Variants in CUL4A observed in about 807,000 individuals in gnomAD.
CUL4A encodes the protein cullin 4A, also known as cullin-4A.
CUL4A carries 16 observed loss-of-function variants against 95.5 expected under a neutral mutation model. The observed-to-expected ratio is 0.17, with a 90% CI of 0.11 to 0.25. The LOEUF (loss-of-function observed/expected upper bound fraction) is 0.25, where lower values mean the gene tolerates loss of function less well. Ranked by LOEUF, CUL4A falls within the 10% of genes least tolerant of loss-of-function variation. The pLI is 1.00. For missense variants in CUL4A, 610 were observed against 937.0 expected, an observed-to-expected ratio of 0.65 and a Z score of 4.56; for synonymous variants, 380 against 353.1, an observed-to-expected ratio of 1.08 and a Z score of -0.85.
intron 9 of CUL4A, 21 bp downstream of exon 9, chr13:113,236,911 G>A: frequency 6.4e-7 from 1 of 1,561,126 alleles, no homozygotes; most frequent in Non-Finnish European, 8.8e-7. Context: ...TAACTCTTGT[G>A]CAAATTAAAC....
At position 113,209,632 on chromosome 13, in the gene CUL4A, C is replaced by T; in HGVS notation, c.5C>T (p.Ala2Val). The change falls in exon 1 of 20, where the codon GCG becomes GTG. Residue 2 changes from alanine to valine, a missense_variant. Coordinates refer to ENST00000375440, the MANE Select transcript of CUL4A (RefSeq NM_001008895.4). ...CGCGGCGGTTCCGGCCCAGCCATGGCGGACGAGGCCCCGCGGAAGGGCAGC... is the reference window on the plus strand; with the variant it reads ...CGCGGCGGTTCCGGCCCAGCCATGGTGGACGAGGCCCCGCGGAAGGGCAGC... MADEAPRKGSFS... is the reference protein window; with the variant it reads MVDEAPRKGSFS... 6.5e-6 allele frequency: 7 copies of T among 1,079,588 alleles called. No individual in the cohort carries two copies. Among genetic ancestry groups the T allele is most frequent in the Non-Finnish European group, 7.8e-6 (7 of 892,434 alleles). 66.9% of individuals were successfully genotyped at this position (1,079,588 alleles called of 1,614,324 possible). A position where few individuals can be genotyped will look rare whatever the true frequency, so the allele number is the denominator to read the frequency against.
chr13:113,208,806 G>C, upstream of CUL4A: 1 of 1,412,426 alleles, frequency 7.1e-7, no homozygotes, highest in Non-Finnish European at 9.2e-7. Flanking sequence ...CTCGGGCTGA[G>C]GGGGCCCGGG....
chr13:113,227,616 G>A (rs1432753554), intron 3 of CUL4A, among the ~76,000 whole-genome samples: 2 of 152,194 alleles, frequency 1.3e-5, no homozygotes, highest in East Asian at 3.9e-4. Context: ...GGTTAAAATT[G>A]TAATAATGGC....
At chr13:113,253,040 A>G (rs765212481) in intron 15 of CUL4A, 42 bp from the exon 16 acceptor site, 1 of 951,240 alleles carries the variant, frequency 1.1e-6, no homozygotes, top group East Asian at 2.6e-5. Context: ...ATTGAGATGG[A>G]TGGTGTGTGG....
intron 15 of CUL4A, among the ~76,000 whole-genome samples, chr13:113,246,635 T>A (rs558531948): frequency 1.3e-5 from 2 of 152,320 alleles, no homozygotes; most frequent in African/African-American, 4.8e-5. Flanking sequence ...TAAAGATGAA[T>A]GATGATTTCG....
intron 2 of CUL4A, among the ~76,000 whole-genome samples, chr13:113,217,360 A>T (rs1459967375): frequency 6.6e-6 from 1 of 152,256 alleles, no homozygotes; most frequent in East Asian, 1.9e-4. Flanking sequence ...GAGTTAAAGT[A>T]AATACAGAAT....
At chr13:113,258,275 G>A (rs1266318155) in intron 18 of CUL4A, among the ~76,000 whole-genome samples, 6 of 152,156 alleles carry the variant, frequency 3.9e-5, no homozygotes, top group African/African-American at 1.2e-4. Context: ...ACAGCCGTGA[G>A]CCACCGTGCC....
At chr13:113,210,299 A>G (rs2040343256) in intron 2 of CUL4A, among the ~76,000 whole-genome samples, 1 of 152,232 alleles carries the variant, frequency 6.6e-6, no homozygotes, top group Admixed American at 6.5e-5. Flanking sequence ...AGCTGCTTAG[A>G]ACCATATTTA....
chr13:113,239,802 C>G (rs779978809), intron 10 of CUL4A, among the ~76,000 whole-genome samples: 8 of 152,234 alleles, frequency 5.3e-5, no homozygotes, highest in Non-Finnish European at 7.3e-5. Flanking sequence ...TAAAGAACAA[C>G]TGTTTTGCTC....
chr13:113,236,253 A>G (rs1290407797), intron 8 of CUL4A, among the ~76,000 whole-genome samples: 1 of 152,192 alleles, frequency 6.6e-6, no homozygotes, highest in Non-Finnish European at 1.5e-5. Flanking sequence ...ATCTCGAGGC[A>G]GGCCAGGGTG....
At chr13:113,214,689 T>C (rs528690728) in intron 2 of CUL4A, among the ~76,000 whole-genome samples, 17 of 152,236 alleles carry the variant, frequency 1.1e-4, no homozygotes, top group South Asian at 2.1e-4. Flanking sequence ...GCTGTCTTTC[T>C]TGAGTCACGG....
chr13:113,218,266 G>A (rs2040768033), intron 2 of CUL4A, among the ~76,000 whole-genome samples: 1 of 152,086 alleles, frequency 6.6e-6, no homozygotes, highest in African/African-American at 2.4e-5. Context: ...CTTGTATTAG[G>A]GGTGTTCACA....
In CUL4A at chr13:113,263,472, A is replaced by C; in HGVS notation, c.2185-15A>C. ...ATGCCATTGTAATTAGGGGGGTTTT[A>C]TTCTTCTTTTTTAGCCTGGAGATTT... is the stretch of plus-strand genomic sequence containing the variant. On this transcript the variant is annotated splice_polypyrimidine_tract_variant and intron_variant, in intron 19 of 19. Transcript: ENST00000375440. 1 of 1,561,430 alleles carries C rather than the reference A, an allele frequency of 6.4e-7. No homozygotes were observed.
rs537956282 is a variant in CUL4A, at chr13:113,218,900, T to A, written c.265-45T>A. 1.7e-3 allele frequency: 2,317 copies of A among 1,358,288 alleles called. 40 individuals carry two copies. The African/African-American group carries it at 0.03, about 18-fold the overall frequency. The allele number at this position is 1,358,288 out of a possible 1,614,324, so 84.1% of individuals were successfully genotyped here. A position where few individuals can be genotyped will look rare whatever the true frequency, so the allele number is the denominator to read the frequency against. Reference sequence around the variant, plus strand: ...ACAATAGGGTTTTTTTATGAACCAATCTGTTGTTCATACTGAAGAATTGAT... The same window carrying A: ...ACAATAGGGTTTTTTTATGAACCAAACTGTTGTTCATACTGAAGAATTGAT... On this transcript the variant is annotated intron_variant, in intron 2 of 19. Transcript: ENST00000375440.
intron 8 of CUL4A, 21 bp downstream of exon 8, chr13:113,235,166 G>C: frequency 6.5e-7 from 1 of 1,538,474 alleles, no homozygotes; most frequent in Non-Finnish European, 9.0e-7. Flanking sequence ...TTTGCTCGCT[G>C]AGCGTTCGTA....
intron 5 of CUL4A, among the ~76,000 whole-genome samples, chr13:113,231,832 A>T (rs1192468398): frequency 6.6e-6 from 1 of 152,118 alleles, no homozygotes; most frequent in Non-Finnish European, 1.5e-5. Context: ...CGCGGGAGCA[A>T]CAGGAGAGGC....
intron 5 of CUL4A, 149 bp downstream of exon 5, chr13:113,229,668 G>T (rs1566339365): frequency 9.3e-6 from 6 of 643,770 alleles, no homozygotes; most frequent in Non-Finnish European, 1.1e-5. Flanking sequence ...GAACGTAGGA[G>T]TCCAGGTGGG....
chr13:113,238,695 T>C lies in CUL4A; in HGVS notation c.917-738T>C, dbSNP rs528539581. ...TGAGAGAAATAAACATTTGGAGCTCTAGGTGAGGATTGTAATTATAGCCCC... is the reference window on the plus strand; with the variant it reads ...TGAGAGAAATAAACATTTGGAGCTCCAGGTGAGGATTGTAATTATAGCCCC... On this transcript the variant is annotated intron_variant, in intron 9 of 19. Coordinates refer to ENST00000375440, the MANE Select transcript of CUL4A (RefSeq NM_001008895.4). Among the ~76,000 whole-genome samples the C allele has an allele frequency of 8.5e-5, 13 of 152,340 alleles. No individual in the cohort carries two copies. The East Asian group carries it at 2.3e-3, about 27-fold the overall frequency.
chr13:113,208,236 G>A, upstream of CUL4A: 1 of 1,469,710 alleles, frequency 6.8e-7, no homozygotes, highest in Non-Finnish European at 9.0e-7. Context: ...ATCCGACACA[G>A]CACCGCCCAC....
Sources: gnomAD v4.1 joint callset for allele counts (sites outside exome capture counted in the v4.1 genomes callset) on GRCh38, gnomAD v4.1.1 for gene constraint, MANE v1.5 for transcripts, NCBI Gene and HGNC (gene_info 2026-07-23, HGNC 2026-07-21) for gene names.